Variants in FAM135A observed in about 807,000 individuals in gnomAD.
The protein encoded by FAM135A is protein FAM135A.
Under a neutral mutation model 146.8 loss-of-function variants are expected in FAM135A, and 79 were observed. The ratio of observed to expected loss-of-function variants is 0.54; its 90% CI spans 0.45 to 0.65. The LOEUF (loss-of-function observed/expected upper bound fraction) is 0.65. Among genes scored for constraint, FAM135A ranks in the 30% least tolerant of loss-of-function variants. The pLI is 0.00. For synonymous variants in FAM135A, 562 were observed against 603.6 expected (o/e 0.93, Z 1.01); for missense variants, 1,623 against 1,758.2 (o/e 0.92, Z 1.38).
At chr6:70,419,002 G>A (rs1768168183) in intron 2 of FAM135A, among the ~76,000 whole-genome samples, 1 of 152,220 alleles carries the variant, frequency 6.6e-6, no homozygotes, top group African/African-American at 2.4e-5. Flanking sequence ...AGGAAAGATG[G>A]CAGCTAGGTG....
intron 5 of FAM135A, among the ~76,000 whole-genome samples, chr6:70,460,683 A>G (rs1779251167): frequency 6.6e-6 from 1 of 152,172 alleles, no homozygotes; most frequent in African/African-American, 2.4e-5. Flanking sequence ...TATTTTTCTG[A>G]AAACCGATAA....
At position 70,525,192 on chromosome 6, in the gene FAM135A, G is replaced by A. The variant is rs1794437638; in HGVS notation, c.2108G>A (p.Gly703Asp). Reference sequence around the variant, plus strand: ...AACTTTGAGTCCTTAGAATCTAATGGTAAATCTAAATCTATAGAAATAACA... The same window carrying A: ...AACTTTGAGTCCTTAGAATCTAATGATAAATCTAAATCTATAGAAATAACA... ...LPNFESLESN[G>D]KSKSIEITFE... is the part of the protein sequence containing the mutation. Residue 703 changes from glycine to aspartate, a missense_variant, in exon 15 of 22, where the codon GGT becomes GAT. By Grantham distance (94) the Gly-to-Asp change is moderately conservative. Around this residue, in one of 7 missense-constraint regions of FAM135A, gnomAD observed 1,061 missense variants for 1,113.8 expected, o/e 0.95. Transcript: ENST00000418814. The A allele has an allele frequency of 6.3e-7, 1 of 1,595,336 alleles. No individual in the cohort carries two copies. Among genetic ancestry groups the A allele is most frequent in the African/African-American group, 1.4e-5 (1 of 73,888 alleles).
chr6:70,525,423 C>T lies in FAM135A; in HGVS notation c.2339C>T (p.Ala780Val), dbSNP rs868795794. The change falls in exon 15 of 22, where the codon GCG (alanine) becomes GTG (valine). Residue 780 changes from alanine (A) to valine (V), a missense_variant. By Grantham distance (64) the Ala-to-Val change is moderately conservative. Coordinates refer to ENST00000418814, the MANE Select transcript of FAM135A (RefSeq NM_001162529.3). ...SGVESEPSSF[A>V]THPNTDLVFE... ...GTTGAAAGTGAACCGAGTTCTTTTG[C>T]GACACATCCAAACACTGATTTAGTC... 50 of 1,613,556 alleles carry T rather than the reference C, an allele frequency of 3.1e-5. No homozygotes were observed. Among genetic ancestry groups the T allele is most frequent in the Non-Finnish European group, 4.0e-5 (47 of 1,179,694 alleles).
At chr6:70,413,754 C>T (rs978320750) in intron 1 of FAM135A, 52 bp downstream of exon 1, 1 of 964,822 alleles carries the variant, frequency 1.0e-6, no homozygotes, top group Non-Finnish European at 1.2e-6. Flanking sequence ...CACCCACGAC[C>T]CCTCCCTCCG....
intron 10 of FAM135A, among the ~76,000 whole-genome samples, chr6:70,488,963 TTTAGAG>T (rs1785275218): frequency 1.3e-5 from 2 of 152,168 alleles, no homozygotes; most frequent in South Asian, 4.1e-4. Context: ...GTTCTAAGAT[TTTAGAG>T]TTAAATTATG....
intron 12 of FAM135A, chr6:70,503,702 G>A (rs965743909): frequency 6.6e-6 from 1 of 152,134 alleles, no homozygotes; most frequent in Non-Finnish European, 1.5e-5. Context: ...ACACTAAATA[G>A]AGGTTGTTTC....
At chr6:70,454,984 G>A (rs1247161460) in intron 5 of FAM135A, among the ~76,000 whole-genome samples, 9 of 152,148 alleles carry the variant, frequency 5.9e-5, no homozygotes, top group Admixed American at 5.9e-4. Flanking sequence ...TTGTTAGCTT[G>A]ATGGGGATGG....
chr6:70,448,440 C>T (rs1002017377), intron 4 of FAM135A, among the ~76,000 whole-genome samples: 4 of 152,138 alleles, frequency 2.6e-5, no homozygotes, highest in African/African-American at 9.7e-5. Context: ...TTACTCACCA[C>T]GGGGTTGGCT....
At chr6:70,519,552 T>A (rs921981557) in intron 12 of FAM135A, among the ~76,000 whole-genome samples, 1 of 152,234 alleles carries the variant, frequency 6.6e-6, no homozygotes, top group Non-Finnish European at 1.5e-5. Flanking sequence ...AACTTCATTG[T>A]TGTAATTTAA....
At chr6:70,485,203 T>C (rs953957276) in intron 10 of FAM135A, among the ~76,000 whole-genome samples, 1 of 152,162 alleles carries the variant, frequency 6.6e-6, no homozygotes, top group Non-Finnish European at 1.5e-5. Flanking sequence ...ACAGTTTTCA[T>C]TGTTACTTGA....
At chr6:70,413,950 C>T (rs999665993) in intron 1 of FAM135A, 1 of 985,538 alleles carries the variant, frequency 1.0e-6, no homozygotes, top group South Asian at 4.7e-5. Flanking sequence ...TCCCGGTGCC[C>T]GCGGCCGCCC....
chr6:70,550,004 TG>T (rs1799529245), intron 20 of FAM135A, among the ~76,000 whole-genome samples: 1 of 152,250 alleles, frequency 6.6e-6, no homozygotes, highest in East Asian at 1.9e-4. Context: ...CCACTTTCTC[TG>T]TTCATCTATA....
At chr6:70,447,918 T>A (rs774310346) in intron 4 of FAM135A, among the ~76,000 whole-genome samples, 2 of 152,200 alleles carry the variant, frequency 1.3e-5, no homozygotes, top group Admixed American at 6.5e-5. Context: ...AGTAGCCTTA[T>A]GCAGATTACC....
chr6:70,524,865 A>T lies in FAM135A; in HGVS notation c.1781A>T (p.Gln594Leu). Residue 594 changes from glutamine to leucine, a missense_variant, in exon 15 of 22, where the codon CAA (glutamine) becomes CTA (leucine). Coordinates refer to ENST00000418814, the MANE Select transcript of FAM135A (RefSeq NM_001162529.3). ...EQKSPDIENV[Q>L]PDQFDPLNSG... Reference sequence around the variant, plus strand: ...AAGTCTCCAGATATTGAAAATGTTCAACCAGACCAGTTTGATCCTTTGAAC... The same window carrying T: ...AAGTCTCCAGATATTGAAAATGTTCTACCAGACCAGTTTGATCCTTTGAAC... The T allele has an allele frequency of 6.2e-7, 1 of 1,608,438 alleles. No homozygotes were observed. Among genetic ancestry groups the T allele is most frequent in the Non-Finnish European group, 8.5e-7 (1 of 1,177,060 alleles).
intron 13 of FAM135A, among the ~76,000 whole-genome samples, chr6:70,522,954 C>G (rs1236191370): frequency 1.3e-5 from 2 of 152,106 alleles, no homozygotes; most frequent in Non-Finnish European, 2.9e-5. Context: ...TTCATATATA[C>G]TGTCTTCTGT....
chr6:70,503,339 A>G (rs11754793), intron 12 of FAM135A: 5 of 152,172 alleles, frequency 3.3e-5, no homozygotes, highest in African/African-American at 1.2e-4. Flanking sequence ...TTAAATAACT[A>G]TCTTTCCATC....
chr6:70,485,675 A>G (rs1292101078), intron 10 of FAM135A, among the ~76,000 whole-genome samples: 1 of 152,188 alleles, frequency 6.6e-6, no homozygotes, highest in East Asian at 1.9e-4. Context: ...TTTCTAAAAT[A>G]TGTTCCCTCT....
At chr6:70,473,326 A>G (rs1781972494) in intron 5 of FAM135A, among the ~76,000 whole-genome samples, 1 of 152,222 alleles carries the variant, frequency 6.6e-6, no homozygotes, top group South Asian at 2.1e-4. Flanking sequence ...AAAGACTAAC[A>G]TTTGTGGTTG....
At chr6:70,437,649 A>G (rs984102276) in intron 4 of FAM135A, among the ~76,000 whole-genome samples, 2 of 152,158 alleles carry the variant, frequency 1.3e-5, no homozygotes, top group Admixed American at 6.5e-5. Context: ...CTTTCCATTT[A>G]CTTATTCTGA....
Sources: allele counts gnomAD v4.1 joint callset (sites outside exome capture counted in the v4.1 genomes callset), GRCh38; gene constraint gnomAD v4.1.1; regional missense constraint gnomAD v4.1.1; transcripts MANE v1.5; gene names NCBI Gene and HGNC (gene_info 2026-07-23, HGNC 2026-07-21).